Variants in WDPCP observed in about 807,000 individuals in gnomAD.
WDPCP encodes WD repeat-containing and planar cell polarity effector protein fritz homolog.
A neutral mutation model predicts 93.1 loss-of-function variants in WDPCP; 71 were observed. That is an observed-to-expected ratio of 0.76 (90% CI 0.63 to 0.93). WDPCP has a LOEUF of 0.93. Among genes scored for constraint, WDPCP ranks in the 40% least tolerant of loss-of-function variants. The probability of loss-of-function intolerance (pLI) is 0.00; values close to 1 mark genes in which losing one functional copy is unlikely to be tolerated. For synonymous variants in WDPCP, 315 were observed against 315.0 expected (o/e 1.00, Z 0.00); for missense variants, 844 against 887.4 (o/e 0.95, Z 0.62).
chr2:63,561,473 T>C (rs1331171797), intron 1 of WDPCP, among the ~76,000 whole-genome samples: 2 of 146,252 alleles, frequency 1.4e-5, no homozygotes, highest in African/African-American at 2.5e-5. Flanking sequence ...CCAGACTCCA[T>C]CTCAAATAAT....
At chr2:63,163,684 T>G (rs1213122839) in intron 15 of WDPCP, among the ~76,000 whole-genome samples, 4 of 152,182 alleles carry the variant, frequency 2.6e-5, no homozygotes, top group African/African-American at 9.6e-5. Context: ...TTGTCAGATT[T>G]TCTGTTGGCA....
chr2:63,527,856 T>C (rs569742082), intron 1 of WDPCP, among the ~76,000 whole-genome samples: 1 of 152,156 alleles, frequency 6.6e-6, no homozygotes, highest in East Asian at 1.9e-4. Flanking sequence ...AGCGTTCTTA[T>C]TTCTCCACAG....
chr2:63,416,885 C>A (rs1695474268), intron 9 of WDPCP, among the ~76,000 whole-genome samples: 1 of 152,110 alleles, frequency 6.6e-6, no homozygotes, highest in Non-Finnish European at 1.5e-5. Context: ...CCAAGTTGGA[C>A]CTGACCCTGT....
At chr2:63,430,609 C>A (rs1044781542) in intron 9 of WDPCP, among the ~76,000 whole-genome samples, 1 of 152,118 alleles carries the variant, frequency 6.6e-6, no homozygotes, top group African/African-American at 2.4e-5. Flanking sequence ...TTGGGCTGGG[C>A]GTGGTGGCTC....
intron 3 of WDPCP, among the ~76,000 whole-genome samples, chr2:63,628,155 G>A (rs1009322033): frequency 1.3e-5 from 2 of 152,072 alleles, no homozygotes; most frequent in African/African-American, 2.4e-5. Context: ...CCCGCAAAGG[G>A]GTCAGGGAAA....
At chr2:63,536,258 G>T (rs1219356635) in intron 1 of WDPCP, among the ~76,000 whole-genome samples, 4 of 152,178 alleles carry the variant, frequency 2.6e-5, no homozygotes. Context: ...TTACACTGTT[G>T]GTGGGAATGT....
intron 13 of WDPCP, among the ~76,000 whole-genome samples, chr2:63,273,920 A>T (rs1682870924): frequency 1.3e-5 from 2 of 152,164 alleles, no homozygotes; most frequent in Admixed American, 1.3e-4. Flanking sequence ...AACACTTTTC[A>T]TTCTCAGCAT....
chr2:63,481,495 T>C (rs1415946589), intron 6 of WDPCP, among the ~76,000 whole-genome samples: 1 of 152,040 alleles, frequency 6.6e-6, no homozygotes, highest in Non-Finnish European at 1.5e-5. Context: ...CCAGCCCAAA[T>C]GCCCATCAAT....
chr2:63,217,327 T>C (rs1677440279), intron 14 of WDPCP, among the ~76,000 whole-genome samples: 2 of 152,230 alleles, frequency 1.3e-5, no homozygotes, highest in South Asian at 4.1e-4. Flanking sequence ...CAGAGTCAAG[T>C]AGTTGTGACA....
intron 14 of WDPCP, among the ~76,000 whole-genome samples, chr2:63,175,848 G>A (rs1559175905): frequency 6.6e-6 from 1 of 151,994 alleles, no homozygotes; most frequent in Non-Finnish European, 1.5e-5. Context: ...TGACATTTGG[G>A]TTGCTTCCAC....
intron 6 of WDPCP, among the ~76,000 whole-genome samples, chr2:63,457,407 C>T (rs1294790345): frequency 6.6e-6 from 1 of 152,140 alleles, no homozygotes; most frequent in African/African-American, 2.4e-5. Flanking sequence ...AAGAACTAAA[C>T]CTCCTCAAAC....
chr2:63,479,987 G>C (rs1253463900), intron 6 of WDPCP, among the ~76,000 whole-genome samples: 1 of 152,084 alleles, frequency 6.6e-6, no homozygotes, highest in African/African-American at 2.4e-5. Context: ...AAACCCTAAA[G>C]ACTCCTCCAA....
At chr2:63,221,999 G>A (rs1282680102) in intron 14 of WDPCP, among the ~76,000 whole-genome samples, 1 of 152,090 alleles carries the variant, frequency 6.6e-6, no homozygotes, top group African/African-American at 2.4e-5. Flanking sequence ...TCCCATAGTT[G>A]GAGAGAACAT....
chr2:63,204,407 T>G (rs1676168893), intron 14 of WDPCP, among the ~76,000 whole-genome samples: 1 of 145,096 alleles, frequency 6.9e-6, no homozygotes, highest in Non-Finnish European at 1.5e-5. Flanking sequence ...AATGGTGCAG[T>G]CTTGGCTCAC....
intron 2 of WDPCP, among the ~76,000 whole-genome samples, chr2:63,721,393 CT>C (rs1324150311): frequency 6.6e-6 from 1 of 152,148 alleles, no homozygotes; most frequent in Admixed American, 6.5e-5. Context: ...TGGAACTTGT[CT>C]ATTATGGCCC....
chr2:63,654,731 C>G (rs1343119834), intron 2 of WDPCP, among the ~76,000 whole-genome samples: 1 of 152,138 alleles, frequency 6.6e-6, no homozygotes, highest in East Asian at 1.9e-4. Flanking sequence ...GCACCGTCCC[C>G]TACATACTTT....
chr2:63,348,342 A>G (rs1689339391), intron 12 of WDPCP, among the ~76,000 whole-genome samples: 1 of 152,194 alleles, frequency 6.6e-6, no homozygotes, highest in African/African-American at 2.4e-5. Context: ...ACTTCAGACT[A>G]TAAGTGCTAT....
chr2:63,488,254 TAAG>T (rs1360207471), intron 2 of WDPCP, among the ~76,000 whole-genome samples: 1 of 152,060 alleles, frequency 6.6e-6, no homozygotes, highest in East Asian at 1.9e-4. Flanking sequence ...GTTACTAACA[TAAG>T]GATAAAGAGT....
intron 2 of WDPCP, among the ~76,000 whole-genome samples, chr2:63,775,127 C>T (rs561275875): frequency 3.3e-5 from 5 of 152,108 alleles, no homozygotes; most frequent in African/African-American, 7.2e-5. Context: ...TTGGGCTCAA[C>T]GTCACAGACC....
Sources: allele counts gnomAD v4.1 joint callset (sites outside exome capture counted in the v4.1 genomes callset), GRCh38; gene constraint gnomAD v4.1.1; transcripts MANE v1.5; gene names NCBI Gene and HGNC (gene_info 2026-07-23, HGNC 2026-07-21).